The following GRM7 variants were observed in gnomAD, a reference collection of about 807,000 sequenced individuals.
GRM7 encodes the protein metabotropic glutamate receptor 7.
GRM7 carries 35 observed loss-of-function variants against 84.5 expected under a neutral mutation model. That is an observed-to-expected ratio of 0.41 (90% CI 0.32 to 0.55). The LOEUF (loss-of-function observed/expected upper bound fraction) is 0.55, where lower values mean the gene tolerates loss of function less well. Ranked by LOEUF, GRM7 falls within the 20% of genes least tolerant of loss-of-function variation. The pLI, the probability that GRM7 is intolerant of heterozygous loss-of-function variation, is 0.19. For synonymous variants in GRM7, 487 were observed against 455.1 expected, an observed-to-expected ratio of 1.07 and a Z score of -0.89; for missense variants, 1,003 against 1,194.6, an observed-to-expected ratio of 0.84 and a Z score of 2.36.
At chr3:7,294,184 A>G (rs570926159) in intron 2 of GRM7, among the ~76,000 whole-genome samples, 2 of 152,292 alleles carry the variant, frequency 1.3e-5, no homozygotes, top group East Asian at 3.9e-4. Flanking sequence ...GTGAGCCCTC[A>G]ATCCATGTTT....
At chr3:7,499,660 G>C (rs1699819894) in intron 7 of GRM7, among the ~76,000 whole-genome samples, 1 of 152,146 alleles carries the variant, frequency 6.6e-6, no homozygotes, top group Non-Finnish European at 1.5e-5. Flanking sequence ...TATAAAGGCA[G>C]AGTTGGCAAT....
At position 7,622,008 on chromosome 3, in the gene GRM7, T is replaced by C. The variant is rs1412883325; in HGVS notation, c.2451+42651T>C. ...TCATCAGACTTTCTAAGTGTACGTC[T>C]ACATCCATTATCTCTCAGCATTCGC... On this transcript the variant is annotated intron_variant, in intron 8 of 9. Transcript: ENST00000357716. Among the ~76,000 whole-genome samples the C allele has an allele frequency of 3.3e-5, 5 of 152,186 alleles. No homozygotes were observed. In the East Asian group the frequency reaches 9.6e-4, roughly 29 times the overall value.
chr3:6,886,210 T>G (rs539607880), intron 1 of GRM7, among the ~76,000 whole-genome samples: 2 of 152,196 alleles, frequency 1.3e-5, no homozygotes, highest in Non-Finnish European at 2.9e-5. Context: ...TGTTGTACAT[T>G]CGATCTGAAG....
At chr3:7,483,581 G>T (rs1044827384) in intron 7 of GRM7, among the ~76,000 whole-genome samples, 1 of 152,146 alleles carries the variant, frequency 6.6e-6, no homozygotes, top group African/African-American at 2.4e-5. Flanking sequence ...CTGGAGAAGA[G>T]TTTGGGTTTT....
intron 4 of GRM7, among the ~76,000 whole-genome samples, chr3:7,344,664 G>A (rs1575195878): frequency 1.3e-5 from 2 of 152,120 alleles, no homozygotes; most frequent in South Asian, 4.1e-4. Context: ...AGTTAAATGA[G>A]CCATACACAG....
intron 2 of GRM7, among the ~76,000 whole-genome samples, chr3:7,154,301 A>T (rs1694378404): frequency 6.6e-6 from 1 of 152,176 alleles, no homozygotes; most frequent in South Asian, 2.1e-4. Flanking sequence ...GGGTCAGACA[A>T]ATCTCAGATG....
At chr3:7,035,640 CA>C (rs1696360674) in intron 1 of GRM7, among the ~76,000 whole-genome samples, 2 of 152,116 alleles carry the variant, frequency 1.3e-5, no homozygotes, top group South Asian at 4.1e-4. Context: ...GGGAATGTAT[CA>C]AAGATTTGGG....
intron 2 of GRM7, among the ~76,000 whole-genome samples, chr3:7,184,506 T>A (rs1162964014): frequency 6.6e-6 from 1 of 152,168 alleles, no homozygotes; most frequent in East Asian, 1.9e-4. Flanking sequence ...ACTATTAACA[T>A]TGTGGTATAT....
At chr3:6,999,708 G>A (rs1694944818) in intron 1 of GRM7, among the ~76,000 whole-genome samples, 1 of 152,154 alleles carries the variant, frequency 6.6e-6, no homozygotes, top group African/African-American at 2.4e-5. Flanking sequence ...GCAGCAGCAA[G>A]GAGAAGTGCA....
chr3:7,394,675 A>G (rs968965920), intron 4 of GRM7, among the ~76,000 whole-genome samples: 1 of 151,868 alleles, frequency 6.6e-6, no homozygotes, highest in African/African-American at 2.4e-5. Flanking sequence ...AATTCTTATG[A>G]TTTTTCAGCA....
chr3:7,338,119 C>T (rs1241615006), intron 4 of GRM7, among the ~76,000 whole-genome samples: 1 of 118,246 alleles, frequency 8.5e-6, no homozygotes, highest in Non-Finnish European at 1.8e-5. Context: ...TTTATGTACA[C>T]ACACACACAC....
At chr3:7,398,824 G>A (rs950792196) in intron 4 of GRM7, among the ~76,000 whole-genome samples, 6 of 152,080 alleles carry the variant, frequency 3.9e-5, no homozygotes, top group Non-Finnish European at 2.9e-5. Flanking sequence ...AGGTCCCATG[G>A]CCATGAAGCC....
chr3:7,715,003 T>C (rs1394175288), intron 9 of GRM7, among the ~76,000 whole-genome samples: 1 of 152,224 alleles, frequency 6.6e-6, no homozygotes, highest in Non-Finnish European at 1.5e-5. Context: ...GCCAAAATCA[T>C]GGCATTCAAG....
chr3:7,469,067 G>C (rs1329582962), intron 7 of GRM7, among the ~76,000 whole-genome samples: 1 of 152,196 alleles, frequency 6.6e-6, no homozygotes, highest in East Asian at 1.9e-4. Flanking sequence ...TGAGCATATA[G>C]AAATGGCTTG....
chr3:7,624,147 A>G (rs763450153), intron 8 of GRM7, among the ~76,000 whole-genome samples: 2 of 152,166 alleles, frequency 1.3e-5, no homozygotes, highest in Non-Finnish European at 2.9e-5. Context: ...ATAAAAATTA[A>G]CCAAAGTCAA....
At chr3:7,136,066 T>G (rs991286300) in intron 1 of GRM7, among the ~76,000 whole-genome samples, 3 of 152,142 alleles carry the variant, frequency 2.0e-5, no homozygotes, top group Non-Finnish European at 4.4e-5. Flanking sequence ...AAATTAAACT[T>G]GACTCAATCT....
At chr3:7,058,610 A>G (rs922963580) in intron 1 of GRM7, among the ~76,000 whole-genome samples, 4 of 151,950 alleles carry the variant, frequency 2.6e-5, no homozygotes, top group African/African-American at 2.4e-5. Flanking sequence ...CCTCAGTGCC[A>G]TAAATAAATA....
chr3:7,377,940 C>T (rs1040247644), intron 4 of GRM7, among the ~76,000 whole-genome samples: 36 of 152,184 alleles, frequency 2.4e-4, no homozygotes, highest in Non-Finnish European at 2.9e-4. Flanking sequence ...GAAGCTGACA[C>T]GGTGGTTCTC....
intron 8 of GRM7, among the ~76,000 whole-genome samples, chr3:7,590,610 C>G (rs1324634964): frequency 6.6e-6 from 1 of 152,098 alleles, no homozygotes. Flanking sequence ...TTTCTTCGGT[C>G]TTGCTGGTAG....
Sources: gnomAD v4.1 joint callset for allele counts (sites outside exome capture counted in the v4.1 genomes callset) on GRCh38, gnomAD v4.1.1 for gene constraint, MANE v1.5 for transcripts, NCBI Gene and HGNC (gene_info 2026-07-23, HGNC 2026-07-21) for gene names.